The following PPARA variants were observed in gnomAD, a reference collection of about 807,000 sequenced individuals.
PPARA encodes peroxisome proliferator activated receptor alpha, also known as peroxisome proliferator-activated receptor alpha.
In PPARA, 22 loss-of-function variants were observed where a neutral mutation model predicts 42.2. The ratio of observed to expected loss-of-function variants is 0.52; its 90% CI spans 0.37 to 0.74. The LOEUF (loss-of-function observed/expected upper bound fraction) is 0.74, where lower values mean the gene tolerates loss of function less well. PPARA is among the 30% of genes least tolerant of loss of function. The pLI is 0.00. For missense variants in PPARA, 465 were observed against 608.2 expected (o/e 0.76, Z 2.48); for synonymous variants, 242 against 239.3 (o/e 1.01, Z -0.10).
intron 2 of PPARA, among the ~76,000 whole-genome samples, chr22:46,175,410 G>A (rs2147225515): frequency 6.6e-6 from 1 of 152,024 alleles, no homozygotes; most frequent in African/African-American, 2.4e-5. Flanking sequence ...GCCCATTTCT[G>A]TCATTTTATG....
Position 46,207,649 on chromosome 22 carries a change from TA to T in PPARA, c.209-7523del, listed in dbSNP as rs1232135510. Among the ~76,000 whole-genome samples the T allele has an allele frequency of 2.9e-3, 274 of 95,014 alleles. 3 individuals carry two copies. Among genetic ancestry groups the T allele is most frequent in the African/African-American group, 0.013 (262 of 20,582 alleles). 62.3% of individuals were successfully genotyped at this position (95,014 alleles called of 152,430 possible). A position where few individuals can be genotyped will look rare whatever the true frequency, so the allele number is the denominator to read the frequency against. On this transcript the variant is annotated intron_variant, in intron 4 of 8. Coordinates refer to ENST00000407236, the MANE Select transcript of PPARA (RefSeq NM_005036.6). Reference sequence around the variant, plus strand: ...TCTTGTTTTTAATTAATTAATTTATTATTATTATTATTATTATTATTATTAT... The same window carrying T: ...TCTTGTTTTTAATTAATTAATTTATTTTATTATTATTATTATTATTATTAT...
At chr22:46,223,832 C>T (rs1935188768) in intron 7 of PPARA, among the ~76,000 whole-genome samples, 1 of 150,612 alleles carries the variant, frequency 6.6e-6, no homozygotes, top group Admixed American at 6.6e-5. Flanking sequence ...CGCCTGTAGT[C>T]CCATCTATTC....
intron 4 of PPARA, among the ~76,000 whole-genome samples, chr22:46,205,539 TATATATATATATATA>T (rs1312538691): frequency 8.4e-4 from 32 of 38,032 alleles, no homozygotes; most frequent in African/African-American, 1.3e-3. Context: ...TATATATATA[TATATATATATATATA>T]TTTTTTTTTT....
Position 46,203,743 on chromosome 22 carries a change from G to T in PPARA, c.208+5152G>T, listed in dbSNP as rs992239687. The stretch of plus-strand genomic sequence containing the variant: ...ATGAGCTGGAGGCCAGGCTCCTCCC[G>T]CTGCGCAAGGTGAGAACTTCCCGTG... On this transcript the variant is annotated intron_variant, in intron 4 of 8. Transcript: ENST00000407236. This position sits in a 1 kb window ranked among gnomAD's most constrained non-coding sequence, Gnocchi z 5.8. Among the ~76,000 whole-genome samples the T allele has an allele frequency of 6.6e-6, 1 of 152,220 alleles. No homozygotes were observed. The highest frequency in any genetic ancestry group is 1.5e-5 in the Non-Finnish European group (1 of 68,042).
rs1363673884 is a variant in PPARA at position 46,183,658 on chromosome 22, C to T, written c.-43+6822C>T. Among the ~76,000 whole-genome samples, 1 of 152,184 alleles carries T rather than the reference C, an allele frequency of 6.6e-6. No individual in the cohort carries two copies. The highest frequency in any genetic ancestry group is 2.4e-5 in the African/African-American group (1 of 41,450). The stretch of plus-strand genomic sequence containing the variant: ...CCGGGAGGCTGAGGTGGGAGGATCA[C>T]TTGAGCCTGGGAGGTCGATATTGCA... On this transcript the variant is annotated intron_variant, in intron 3 of 8. Transcript: ENST00000407236. The surrounding 1 kb of genome is among the most constrained non-coding windows in gnomAD (Gnocchi z 5.5).
Position 46,159,702 on chromosome 22 carries a change from A to G in PPARA, c.-127+7732A>G, listed in dbSNP as rs113387960. ...TGAAAGAGGGAATTTTTTAAGTTCA[A>G]TTATGCGAAGATCTTGAAGGTGGGA... On this transcript the variant is annotated intron_variant, in intron 2 of 8. Transcript: ENST00000407236. Among the ~76,000 whole-genome samples, 109 of 152,340 alleles carry G rather than the reference A, an allele frequency of 7.2e-4. 2 individuals carry two copies. Among genetic ancestry groups the G allele is most frequent in the African/African-American group, 2.5e-3 (105 of 41,572 alleles).
chr22:46,240,228 G>A lies in PPARA; in HGVS notation c.*4848G>A, dbSNP rs1404589677. The A allele has an allele frequency of 2.5e-6, 1 of 398,558 alleles. No individual in the cohort carries two copies. Among genetic ancestry groups the A allele is most frequent in the Non-Finnish European group, 4.4e-6 (1 of 226,130 alleles). 24.7% of individuals were successfully genotyped at this position (398,558 alleles called of 1,614,324 possible). On this transcript the variant is annotated 3_prime_UTR_variant, in exon 9 of 9. Transcript: ENST00000407236. This position sits in a 1 kb window ranked among gnomAD's most constrained non-coding sequence, Gnocchi z 6.0. The stretch of plus-strand genomic sequence containing the variant: ...GGCAGCTTTCAAAGCAGGTTCCTGT[G>A]GTCTCCTCAGCTGTTTGAGGGGGTA...
rs8139794 is a variant in PPARA at position 46,203,050 on chromosome 22, C to T, written c.208+4459C>T. Among the ~76,000 whole-genome samples, 19,504 of 151,994 alleles carry T rather than the reference C, an allele frequency of 0.13. 3,981 individuals are homozygous for T. Among genetic ancestry groups the T allele is most frequent in the African/African-American group, 0.44 (18,040 of 41,394 alleles). The stretch of plus-strand genomic sequence containing the variant: ...GACCACCAGCCTTTAAAGTGGCAAG[C>T]GGGTGATAACCCATTTCTTATTTCC... On this transcript the variant is annotated intron_variant, in intron 4 of 8. Coordinates refer to ENST00000407236, the MANE Select transcript of PPARA (RefSeq NM_005036.6). This position sits in a 1 kb window ranked among gnomAD's most constrained non-coding sequence, Gnocchi z 5.8.
At chr22:46,215,095 T>A in intron 4 of PPARA, 78 bp from the exon 5 acceptor site, 1 of 1,557,044 alleles carries the variant, frequency 6.4e-7, no homozygotes, top group Non-Finnish European at 8.8e-7. Context: ...GTATGCGAAA[T>A]CACATCCTCA....
At chr22:46,198,658 C>CTCT (rs1555947727) in intron 4 of PPARA, 67 bp downstream of exon 4, 25 of 843,748 alleles carry the variant, frequency 3.0e-5, no homozygotes, top group African/African-American at 2.6e-4. Flanking sequence ...ACTGTTCTCT[C>CTCT]TTTTTTTTTT....
At chr22:46,197,089 G>A (rs1440335508) in intron 3 of PPARA, among the ~76,000 whole-genome samples, 2 of 151,256 alleles carry the variant, frequency 1.3e-5, no homozygotes, top group Admixed American at 6.6e-5. Flanking sequence ...TCACTCTGTC[G>A]CCCCGGCTAG....
intron 4 of PPARA, among the ~76,000 whole-genome samples, chr22:46,201,345 G>A (rs528339281): frequency 1.1e-4 from 17 of 152,232 alleles, no homozygotes; most frequent in Admixed American, 8.5e-4. Flanking sequence ...CTTTGTGACC[G>A]AGCAGCTTTG....
At chr22:46,185,914 AAAATATATATAT>A (rs1930653660) in intron 3 of PPARA, among the ~76,000 whole-genome samples, 2 of 49,558 alleles carry the variant, frequency 4.0e-5, no homozygotes, top group African/African-American at 2.1e-4. Context: ...AAAAAAAAAA[AAAATATATATAT>A]ATATATATAT....
rs1477268807 is a variant in PPARA at position 46,150,627 on chromosome 22, C to G, written c.-235C>G. The G allele has an allele frequency of 7.0e-6, 1 of 142,058 alleles. No individual in the cohort carries two copies. Among genetic ancestry groups the G allele is most frequent in the African/African-American group, 2.5e-5 (1 of 39,744 alleles). The allele number at this position is 142,058 out of a possible 1,614,324, so 8.8% of individuals were successfully genotyped here. A position where few individuals can be genotyped will look rare whatever the true frequency, so the allele number is the denominator to read the frequency against. On this transcript the variant is annotated 5_prime_UTR_variant, in exon 1 of 9. Coordinates refer to ENST00000407236, the MANE Select transcript of PPARA (RefSeq NM_005036.6). This position sits in a 1 kb window ranked among gnomAD's most constrained non-coding sequence, Gnocchi z 7.5. ...CCTCCTTCGGCGTTCGCCCCACGGA[C>G]CGGCAGGCGGCGGACCGCGGCCCAG...
Position 46,241,182 on chromosome 22 carries a change from T to C in PPARA, c.*5802T>C, listed in dbSNP as rs1437924288. 1 of 152,254 alleles carries C rather than the reference T, an allele frequency of 6.6e-6. No individual in the cohort carries two copies. Among genetic ancestry groups the C allele is most frequent in the Non-Finnish European group, 1.5e-5 (1 of 68,044 alleles). The allele number at this position is 152,254 out of a possible 1,614,324, so 9.4% of individuals were successfully genotyped here. On this transcript the variant is annotated 3_prime_UTR_variant, in exon 9 of 9. Transcript: ENST00000407236. The surrounding 1 kb of genome is among the most constrained non-coding windows in gnomAD (Gnocchi z 5.7). ...CCTTCTGCCTAGAAAGATCTATGAC[T>C]GGGTTCCAAAGTTGAGGCCTAGGTT... is the stretch of plus-strand genomic sequence containing the variant.
At position 46,225,206 on chromosome 22, in the gene PPARA, G is replaced by A. The variant is rs1172606007; in HGVS notation, c.711+5192G>A. ...CCATCTGGACACTGGGACTGTTTGA[G>A]CCCCTGAGATTTCAGAACCGTGGGC... On this transcript the variant is annotated intron_variant, in intron 7 of 8. Coordinates refer to ENST00000407236, the MANE Select transcript of PPARA (RefSeq NM_005036.6). The surrounding 1 kb of genome is among the most constrained non-coding windows in gnomAD (Gnocchi z 4.1). Among the ~76,000 whole-genome samples the A allele has an allele frequency of 1.3e-5, 2 of 152,118 alleles. No homozygotes were observed. The highest frequency in any genetic ancestry group is 4.8e-5 in the African/African-American group (2 of 41,416).
chr22:46,220,460 G>A (rs1934911324), intron 7 of PPARA: 3 of 245,396 alleles, frequency 1.2e-5, no homozygotes, highest in Non-Finnish European at 2.4e-5. Context: ...GACTACAGGT[G>A]TGCACCACCA....
chr22:46,227,118 A>C lies in PPARA; in HGVS notation c.712-4674A>C, dbSNP rs1935520275. On this transcript the variant is annotated intron_variant, in intron 7 of 8. Transcript: ENST00000407236. The surrounding 1 kb of genome is among the most constrained non-coding windows in gnomAD (Gnocchi z 4.3). ...CAGTCCAATATTATACCTACTACTT[A>C]AGTTTTCTTTAGATTAAAAAATGTG... 7.4e-6 allele frequency among the ~76,000 whole-genome samples: 1 copy of C among 134,902 alleles called. No homozygotes were observed. The highest frequency in any genetic ancestry group is 1.6e-5 in the Non-Finnish European group (1 of 62,884). 88.5% of individuals were successfully genotyped at this position (134,902 alleles called of 152,430 possible).
chr22:46,210,633 G>A (rs1020985667), intron 4 of PPARA, among the ~76,000 whole-genome samples: 13 of 151,886 alleles, frequency 8.6e-5, no homozygotes, highest in African/African-American at 2.4e-4. Flanking sequence ...TAGCAGAGAC[G>A]GGGTTTCACC....
Sources: allele counts gnomAD v4.1 joint callset (sites outside exome capture counted in the v4.1 genomes callset), GRCh38; gene constraint gnomAD v4.1.1; non-coding constraint Gnocchi (gnomAD v3.1); transcripts MANE v1.5; gene names NCBI Gene and HGNC (gene_info 2026-07-23, HGNC 2026-07-21).